GUCA1C: variants seen among roughly 807,000 people sequenced by gnomAD.
The protein encoded by GUCA1C is guanylate cyclase activator 1C, also known as guanylyl cyclase-activating protein 3.
Under a neutral mutation model 16.2 loss-of-function variants are expected in GUCA1C, and 15 were observed. The ratio of observed to expected loss-of-function variants is 0.93; its 90% CI spans 0.62 to 1.43. The LOEUF (loss-of-function observed/expected upper bound fraction) is 1.43. Among genes scored for constraint, GUCA1C ranks in the 40% most tolerant of loss-of-function variants. The pLI is 0.00. For synonymous variants in GUCA1C, 78 were observed against 85.4 expected (o/e 0.91, Z 0.48); for missense variants, 275 against 244.8 (o/e 1.12, Z -0.82).
At chr3:108,933,855 A>G (rs1946694725) in intron 1 of GUCA1C, among the ~76,000 whole-genome samples, 1 of 152,198 alleles carries the variant, frequency 6.6e-6, no homozygotes, top group African/African-American at 2.4e-5. Context: ...ATTATAAATC[A>G]TTATACTATA....
At chr3:108,918,411 A>G (rs1020179825) in intron 2 of GUCA1C, among the ~76,000 whole-genome samples, 5 of 152,158 alleles carry the variant, frequency 3.3e-5, no homozygotes, top group Non-Finnish European at 5.9e-5. Context: ...AATTCTAGGA[A>G]GGCAGATACT....
At chr3:108,937,120 C>A (rs937104696) in intron 1 of GUCA1C, among the ~76,000 whole-genome samples, 1 of 152,188 alleles carries the variant, frequency 6.6e-6, no homozygotes, top group Non-Finnish European at 1.5e-5. Context: ...CCTTGTCCAG[C>A]CTCAACTGAC....
intron 1 of GUCA1C, among the ~76,000 whole-genome samples, chr3:108,952,821 G>A (rs1946907732): frequency 4.6e-5 from 7 of 151,416 alleles, no homozygotes; most frequent in Admixed American, 4.6e-4. Flanking sequence ...GTAAAAGCAG[G>A]CAGAACCTGA....
At position 108,927,959 on chromosome 3, in the gene GUCA1C, C is replaced by T. The variant is rs927831303; in HGVS notation, c.205-7374G>A. On this transcript the variant is annotated intron_variant, in intron 1 of 3. Coordinates refer to ENST00000261047, the MANE Select transcript of GUCA1C (RefSeq NM_005459.4). ...CCCTAGGAATGGAGCTTCCTGAGAG[C>T]CAAACTGTAGTAATTATTTTTGCTC... Among the ~76,000 whole-genome samples, 27 of 152,170 alleles carry T rather than the reference C, an allele frequency of 1.8e-4. 1 individual carries two copies. Among genetic ancestry groups the T allele is most frequent in the African/African-American group, 4.8e-5 (2 of 41,438 alleles).
At position 108,916,110 on chromosome 3, in the gene GUCA1C, G is replaced by C; in HGVS notation, c.442+17C>G. ...ACTTTGTAGGAAAAGTGATCCAGTAGAGAGTAGCTCCATTACCATCATTGT... is the reference window on the plus strand; with the variant it reads ...ACTTTGTAGGAAAAGTGATCCAGTACAGAGTAGCTCCATTACCATCATTGT... On this transcript the variant is annotated intron_variant, in intron 3 of 3. Coordinates refer to ENST00000261047, the MANE Select transcript of GUCA1C (RefSeq NM_005459.4). The C allele has an allele frequency of 1.9e-6, 3 of 1,612,424 alleles. No individual in the cohort carries two copies. Among genetic ancestry groups the C allele is most frequent in the Admixed American group, 3.3e-5 (2 of 59,802 alleles).
At chr3:108,944,117 A>G (rs1003038659) in intron 1 of GUCA1C, among the ~76,000 whole-genome samples, 2 of 152,220 alleles carry the variant, frequency 1.3e-5, no homozygotes, top group Non-Finnish European at 2.9e-5. Flanking sequence ...AATTACTCCA[A>G]TTAAGCACTA....
intron 1 of GUCA1C, among the ~76,000 whole-genome samples, chr3:108,931,829 T>C (rs1946668937): frequency 6.6e-6 from 1 of 150,924 alleles, no homozygotes; most frequent in Admixed American, 6.6e-5. Context: ...AGGTTTTCTT[T>C]GGGGTGATCC....
intron 1 of GUCA1C, among the ~76,000 whole-genome samples, chr3:108,945,990 A>C (rs907517082): frequency 5.9e-5 from 9 of 152,064 alleles, no homozygotes; most frequent in African/African-American, 2.2e-4. Context: ...GCGAGTATTT[A>C]CTCTATGGAA....
intron 1 of GUCA1C, among the ~76,000 whole-genome samples, chr3:108,926,174 A>G (rs767602098): frequency 1.1e-4 from 16 of 151,956 alleles, no homozygotes; most frequent in Non-Finnish European, 2.2e-4. Context: ...ATTTATTACT[A>G]TATATTCCCC....
At chr3:108,911,065 G>A (rs1321987278) in intron 3 of GUCA1C, among the ~76,000 whole-genome samples, 1 of 152,104 alleles carries the variant, frequency 6.6e-6, no homozygotes, top group East Asian at 1.9e-4. Flanking sequence ...GTATTGGTGG[G>A]TGCATTCTGT....
At chr3:108,930,635 G>A (rs1946658530) in intron 1 of GUCA1C, among the ~76,000 whole-genome samples, 1 of 152,040 alleles carries the variant, frequency 6.6e-6, no homozygotes, top group Non-Finnish European at 1.5e-5. Context: ...TTAGATTTTT[G>A]TGTTTTACAA....
chr3:108,935,995 C>T (rs1372167806), intron 1 of GUCA1C, among the ~76,000 whole-genome samples: 3 of 151,802 alleles, frequency 2.0e-5, no homozygotes, highest in South Asian at 4.2e-4. Flanking sequence ...TGGGGTGTGG[C>T]GGCTTATGCT....
At chr3:108,944,360 A>G in intron 1 of GUCA1C, among the ~76,000 whole-genome samples, 1 of 152,246 alleles carries the variant, frequency 6.6e-6, no homozygotes, top group African/African-American at 2.4e-5. Context: ...GGAGTGGCCA[A>G]CCCAGAGATT....
chr3:108,918,102 T>A (rs1400888564), intron 2 of GUCA1C, among the ~76,000 whole-genome samples: 2 of 152,262 alleles, frequency 1.3e-5, no homozygotes, highest in Non-Finnish European at 2.9e-5. Context: ...ACTAGGCAAT[T>A]CTTTCTTGTT....
At chr3:108,924,260 T>G (rs2058479451) in intron 1 of GUCA1C, among the ~76,000 whole-genome samples, 1 of 152,204 alleles carries the variant, frequency 6.6e-6, no homozygotes. Context: ...ACCCATTCAG[T>G]ATGATGTTGG....
chr3:108,939,425 C>G (rs548117040), intron 1 of GUCA1C, among the ~76,000 whole-genome samples: 33 of 144,624 alleles, frequency 2.3e-4, no homozygotes, highest in Admixed American at 2.1e-3. Flanking sequence ...CTCCCGGGTT[C>G]AAGAGATTCT....
Position 108,942,785 on chromosome 3 carries a change from T to C in GUCA1C, c.204+10774A>G, listed in dbSNP as rs149470697. On this transcript the variant is annotated intron_variant, in intron 1 of 3. Transcript: ENST00000261047. ...GGATGTGCCTATCTTCCCCACTAGA[T>C]TGTAAAGTCAATTTAGGACAGAGAC... Among the ~76,000 whole-genome samples the C allele has an allele frequency of 5.0e-3, 764 of 152,324 alleles. 16 individuals carry two copies. The highest frequency in any genetic ancestry group is 0.018 in the African/African-American group (740 of 41,582).
intron 3 of GUCA1C, among the ~76,000 whole-genome samples, chr3:108,914,265 G>A (rs6437807): frequency 0.62 from 94,770 of 151,898 alleles, 29,755 homozygotes; most frequent in Admixed American, 0.67. Context: ...CTGAATTCAC[G>A]TCTCTTTTAA....
chr3:108,915,052 T>C (rs1946493802), intron 3 of GUCA1C, among the ~76,000 whole-genome samples: 1 of 152,202 alleles, frequency 6.6e-6, no homozygotes. Context: ...TCAAATTTCT[T>C]TCTTGAGCAG....
Sources: allele counts gnomAD v4.1 joint callset (sites outside exome capture counted in the v4.1 genomes callset), GRCh38; gene constraint gnomAD v4.1.1; transcripts MANE v1.5; gene names NCBI Gene and HGNC (gene_info 2026-07-23, HGNC 2026-07-21).